Variants in ZNF99 observed in about 807,000 individuals in gnomAD.
ZNF99 encodes zinc finger protein ENSP00000375192.
A neutral mutation model predicts 12.8 loss-of-function variants in ZNF99; 8 were observed. That is an observed-to-expected ratio of 0.62 (90% CI 0.37 to 1.13). The LOEUF (loss-of-function observed/expected upper bound fraction) is 1.13, where lower values mean the gene tolerates loss of function less well. ZNF99 is among the 50% of genes most tolerant of loss of function. The pLI is 0.02. For missense variants in ZNF99, 1,007 were observed against 1,006.2 expected (o/e 1.00, Z -0.01); for synonymous variants, 318 against 319.0 (o/e 1.00, Z 0.03).
At chr19:22,774,145 A>T (rs1259870093) in intron 1 of ZNF99, 3 of 152,606 alleles carry the variant, frequency 2.0e-5, no homozygotes, top group Non-Finnish European at 4.4e-5. Context: ...TGCTGAGAGG[A>T]AAAAAGAAGT....
intron 1 of ZNF99, 78 bp from the exon 2 acceptor site, chr19:22,769,402 T>C (rs1285406327): frequency 2.8e-5 from 41 of 1,483,844 alleles, no homozygotes; most frequent in Non-Finnish European, 3.7e-5. Context: ...CAAGGTGAAA[T>C]GAGAGAGTAA....
In ZNF99 at chr19:22,756,913, G is replaced by C; in HGVS notation, c.*401C>G. The C allele has an allele frequency of 6.2e-7, 1 of 1,611,150 alleles. No individual in the cohort carries two copies. Among genetic ancestry groups the C allele is most frequent in the Non-Finnish European group, 8.5e-7 (1 of 1,178,726 alleles). ...GTATGAATTACCTTATGTTCCATAA[G>C]TTTTGAGACCACTTAAAAGCTTTAC... On this transcript the variant is annotated 3_prime_UTR_variant, in exon 4 of 4. Transcript: ENST00000596209.
rs1384480592 is a variant in ZNF99, at chr19:22,756,956, T to C, written c.*358A>G. 7 of 1,611,656 alleles carry C rather than the reference T, an allele frequency of 4.3e-6. No individual in the cohort carries two copies. The highest frequency in any genetic ancestry group is 5.9e-6 in the Non-Finnish European group (7 of 1,178,776). ...AGCTTTACCACATTCTTCACATTTG[T>C]ATGGTTTCTCCCCAGTATGAATTAT... is the stretch of plus-strand genomic sequence containing the variant. On this transcript the variant is annotated 3_prime_UTR_variant, in exon 4 of 4. Coordinates refer to ENST00000596209, the MANE Select transcript of ZNF99 (RefSeq NM_001080409.3).
chr19:22,769,826 A>G (rs1973246776), intron 1 of ZNF99: 1 of 1,283,442 alleles, frequency 7.8e-7, no homozygotes, highest in South Asian at 1.3e-5. Context: ...ACTCTGAGAA[A>G]AAAAGAATGG....
intron 1 of ZNF99, among the ~76,000 whole-genome samples, chr19:22,781,353 G>A (rs1468598789): frequency 6.8e-6 from 1 of 147,330 alleles, no homozygotes; most frequent in Admixed American, 6.8e-5. Context: ...GCCCCAGTGA[G>A]TGCCCCAGGT....
rs62119144 is a variant in ZNF99, at chr19:22,754,532, G to C, written c.*2782C>G. The stretch of plus-strand genomic sequence containing the variant: ...ATGAATTCTCTTATATTTAGTATGA[G>C]TTGAAGACCAGTTAAAGACTTTGTT... On this transcript the variant is annotated 3_prime_UTR_variant, in exon 4 of 4. Coordinates refer to ENST00000596209, the MANE Select transcript of ZNF99 (RefSeq NM_001080409.3). 94 of 428,564 alleles carry C rather than the reference G, an allele frequency of 2.2e-4. No homozygotes were observed. Among genetic ancestry groups the C allele is most frequent in the African/African-American group, 1.8e-3 (86 of 48,510 alleles). 26.5% of individuals were successfully genotyped at this position (428,564 alleles called of 1,614,324 possible). A position where few individuals can be genotyped will look rare whatever the true frequency, so the allele number is the denominator to read the frequency against.
In ZNF99 at chr19:22,757,766, T is replaced by G. The variant is rs1462656006; in HGVS notation, c.2143A>C (p.Ser715Arg). 3.7e-6 allele frequency: 6 copies of G among 1,612,980 alleles called. No homozygotes were observed. In the Admixed American group the frequency reaches 1.0e-4, roughly 27 times the overall value. ...YKCEECGKAF[S>R]QSSTLRKHEI... Reference sequence around the variant, plus strand: ...TGTTTTCTAAGAGTTGAGGACTGGCTAAAAGCTTTGCCACATTCTTCACAT... The same window carrying G: ...TGTTTTCTAAGAGTTGAGGACTGGCGAAAAGCTTTGCCACATTCTTCACAT... Residue 715 changes from serine (S) to arginine (R), a missense_variant, in exon 4 of 4, where the codon AGC (serine) becomes CGC (arginine). By Grantham distance (110) the Ser-to-Arg change is moderately radical. Transcript: ENST00000596209.
At chr19:22,768,207 T>C (rs1973225782) in intron 3 of ZNF99, 98 bp downstream of exon 3, 1 of 1,353,382 alleles carries the variant, frequency 7.4e-7, no homozygotes, top group Admixed American at 1.9e-5. Flanking sequence ...ACTACTTCCT[T>C]TGGAGCACAG....
intron 1 of ZNF99, chr19:22,771,273 T>TTTTTTA (rs1973267131): frequency 9.0e-6 from 1 of 111,452 alleles, no homozygotes; most frequent in African/African-American, 4.2e-5. Flanking sequence ...TTTTTTTTTT[T>TTTTTTA]GAGGCAGAGT....
intron 3 of ZNF99, among the ~76,000 whole-genome samples, chr19:22,767,125 AAAC>A (rs1169499637): frequency 6.6e-6 from 1 of 151,406 alleles, no homozygotes; most frequent in African/African-American, 2.4e-5. Context: ...AAAAAAAAAA[AAAC>A]CAAAAAACTA....
At position 22,769,335 on chromosome 19, in the gene ZNF99, CAACA is replaced by C; in HGVS notation, c.4-15_4-12del. On this transcript the variant is annotated splice_polypyrimidine_tract_variant and intron_variant, in intron 1 of 3. Transcript: ENST00000596209. ...AAATGTCAACGATCCCTGAAAAACA[CAACA>C]AAGATACATATAGATTTCCCAATTG... 1.3e-6 allele frequency: 2 copies of C among 1,599,916 alleles called. No homozygotes were observed. The highest frequency in any genetic ancestry group is 1.7e-6 in the Non-Finnish European group (2 of 1,173,978).
chr19:22,769,335 C>T lies in ZNF99; in HGVS notation c.4-11G>A, dbSNP rs746236281. 3 of 1,599,798 alleles carry T rather than the reference C, an allele frequency of 1.9e-6. No individual in the cohort carries two copies. The highest frequency in any genetic ancestry group is 1.4e-5 in the African/African-American group (1 of 73,990). ...AAATGTCAACGATCCCTGAAAAACA[C>T]AACAAAGATACATATAGATTTCCCA... On this transcript the variant is annotated splice_polypyrimidine_tract_variant and intron_variant, in intron 1 of 3. Coordinates refer to ENST00000596209, the MANE Select transcript of ZNF99 (RefSeq NM_001080409.3).
intron 3 of ZNF99, among the ~76,000 whole-genome samples, chr19:22,767,839 C>T (rs79808581): frequency 0.017 from 2,650 of 152,100 alleles, 67 homozygotes; most frequent in African/African-American, 0.061. Flanking sequence ...ACAGACTGTA[C>T]AAGAAGTATA....
At chr19:22,780,049 G>C (rs1005937513) in intron 1 of ZNF99, among the ~76,000 whole-genome samples, 2 of 152,098 alleles carry the variant, frequency 1.3e-5, no homozygotes, top group Non-Finnish European at 2.9e-5. Context: ...CCAGGGTTCT[G>C]TGGCTTCCCT....
chr19:22,754,230 G>A lies in ZNF99; in HGVS notation c.*3084C>T, dbSNP rs1052573989. On this transcript the variant is annotated 3_prime_UTR_variant, in exon 4 of 4. Transcript: ENST00000596209. ...AAAAATACAAAAATTAGCTGGGCGT[G>A]GTGGCAGGCGCCTGCAATCCCAGCT... The A allele has an allele frequency of 2.3e-6, 1 of 440,870 alleles. No individual in the cohort carries two copies. Among genetic ancestry groups the A allele is most frequent in the African/African-American group, 2.0e-5 (1 of 49,256 alleles). The allele number at this position is 440,870 out of a possible 1,614,324, so 27.3% of individuals were successfully genotyped here. A position where few individuals can be genotyped will look rare whatever the true frequency, so the allele number is the denominator to read the frequency against.
intron 3 of ZNF99, among the ~76,000 whole-genome samples, chr19:22,759,889 G>A (rs1169296515): frequency 6.6e-6 from 1 of 152,312 alleles, no homozygotes; most frequent in East Asian, 1.9e-4. Flanking sequence ...TAAGTTAAGT[G>A]TGTAGAGTGC....
chr19:22,771,714 CTTT>C lies in ZNF99; in HGVS notation c.4-2393_4-2391del, dbSNP rs34457637. On this transcript the variant is annotated intron_variant, in intron 1 of 3. Transcript: ENST00000596209. The stretch of plus-strand genomic sequence containing the variant: ...CCCTATTCAACAACCACAGGTGAAA[CTTT>C]TTTTTTTTTTTTTTTTTTGAGACGG... 3.6e-3 allele frequency among the ~76,000 whole-genome samples: 325 copies of C among 91,110 alleles called. 1 individual carries two copies. The highest frequency in any genetic ancestry group is 0.012 in the African/African-American group (293 of 23,700). 59.8% of individuals were successfully genotyped at this position (91,110 alleles called of 152,430 possible). A position where few individuals can be genotyped will look rare whatever the true frequency, so the allele number is the denominator to read the frequency against.
intron 1 of ZNF99, among the ~76,000 whole-genome samples, chr19:22,778,683 C>T (rs1166199343): frequency 6.6e-6 from 1 of 152,068 alleles, no homozygotes; most frequent in Non-Finnish European, 1.5e-5. Flanking sequence ...CAGGAAAAGT[C>T]AAATGGAAGA....
At chr19:22,773,424 G>A (rs577568817) in intron 1 of ZNF99, among the ~76,000 whole-genome samples, 2 of 150,580 alleles carry the variant, frequency 1.3e-5, no homozygotes, top group East Asian at 3.9e-4. Context: ...ACAAAAGGAT[G>A]GTCACCTTAA....
Sources: gnomAD v4.1 joint callset for allele counts (sites outside exome capture counted in the v4.1 genomes callset) on GRCh38, gnomAD v4.1.1 for gene constraint, MANE v1.5 for transcripts, NCBI Gene and HGNC (gene_info 2026-07-23, HGNC 2026-07-21) for gene names.